The following OXCT1 variants were observed in gnomAD, a reference collection of about 807,000 sequenced individuals.
The protein encoded by OXCT1 is succinyl-CoA:3-ketoacid coenzyme A transferase 1, mitochondrial.
A neutral mutation model predicts 69.6 loss-of-function variants in OXCT1; 27 were observed. The ratio of observed to expected loss-of-function variants is 0.39; its 90% confidence interval spans 0.29 to 0.54. OXCT1 has a LOEUF of 0.54. Among genes scored for constraint, OXCT1 ranks in the 20% least tolerant of loss-of-function variants. The pLI, the probability that OXCT1 is intolerant of heterozygous loss-of-function variation, is 0.72. For missense variants in OXCT1, 437 were observed against 650.2 expected, an observed-to-expected ratio of 0.67 and a Z score of 3.57; for synonymous variants, 202 against 217.8, an observed-to-expected ratio of 0.93 and a Z score of 0.64.
At chr5:41,847,396 T>C (rs1422811577) in intron 5 of OXCT1, among the ~76,000 whole-genome samples, 3 of 151,996 alleles carry the variant, frequency 2.0e-5, no homozygotes, top group Admixed American at 1.3e-4. Flanking sequence ...TTCCAATCAA[T>C]AGAAAAAGAG....
At position 41,764,320 on chromosome 5, in the gene OXCT1, AG is replaced by A. The variant is rs137864140; in HGVS notation, c.1249-2121del. ...AATAAGAATATCTGTCCTACCATAG[AG>A]CTGTGGTGAGCACTGTATGAGATGA... On this transcript the variant is annotated intron_variant, in intron 13 of 16. Transcript: ENST00000196371. 8.7e-4 allele frequency among the ~76,000 whole-genome samples: 133 copies of A among 152,258 alleles called. 1 individual carries two copies. The highest frequency in any genetic ancestry group is 3.2e-3 in the African/African-American group (132 of 41,564).
intron 13 of OXCT1, among the ~76,000 whole-genome samples, chr5:41,775,233 TGC>T (rs1170154392): frequency 2.4e-4 from 37 of 152,284 alleles, no homozygotes; most frequent in Non-Finnish European, 4.4e-4. Context: ...CTTACAAAAC[TGC>T]TCCCCATTTC....
intron 14 of OXCT1, among the ~76,000 whole-genome samples, chr5:41,753,692 C>T (rs976713688): frequency 1.3e-5 from 2 of 152,082 alleles, no homozygotes; most frequent in African/African-American, 4.8e-5. Context: ...CCTCTTGCCA[C>T]CACCTCCATT....
chr5:41,787,634 C>CAAAAAAA (rs765691863), intron 13 of OXCT1, among the ~76,000 whole-genome samples: 2 of 34,704 alleles, frequency 5.8e-5, no homozygotes, highest in Admixed American at 5.1e-4. Context: ...AAGCATTAGG[C>CAAAAAAA]AAAAAAAAAA....
intron 7 of OXCT1, among the ~76,000 whole-genome samples, chr5:41,817,485 T>C (rs973732162): frequency 2.0e-5 from 3 of 152,194 alleles, no homozygotes; most frequent in Non-Finnish European, 4.4e-5. Context: ...CATTATTGTG[T>C]AGTATCTTTC....
At chr5:41,747,918 T>C (rs1743583698) in intron 15 of OXCT1, among the ~76,000 whole-genome samples, 1 of 152,120 alleles carries the variant, frequency 6.6e-6, no homozygotes. Context: ...TGTCTCCATA[T>C]GGCCTTTATC....
chr5:41,798,639 C>A (rs926882889), intron 11 of OXCT1, among the ~76,000 whole-genome samples: 2 of 152,096 alleles, frequency 1.3e-5, no homozygotes, highest in Non-Finnish European at 2.9e-5. Flanking sequence ...CAACTTTAAT[C>A]AAAAGTTAAG....
intron 5 of OXCT1, among the ~76,000 whole-genome samples, chr5:41,847,158 G>A (rs1321821081): frequency 4.0e-5 from 6 of 151,594 alleles, no homozygotes; most frequent in South Asian, 2.1e-4. Context: ...ACACCTCTAC[G>A]CAAATAAACT....
chr5:41,853,823 A>G (rs1749305188), intron 3 of OXCT1: 1 of 524,366 alleles, frequency 1.9e-6, no homozygotes, highest in Non-Finnish European at 3.4e-6. Context: ...GCAGTAAGGG[A>G]CATACAGCCA....
At chr5:41,785,935 T>C (rs1289098886) in intron 13 of OXCT1, among the ~76,000 whole-genome samples, 3 of 152,198 alleles carry the variant, frequency 2.0e-5, no homozygotes, top group African/African-American at 7.2e-5. Flanking sequence ...GAGTGCTGCC[T>C]GACTCTTACC....
chr5:41,787,538 G>A (rs1394922582), intron 13 of OXCT1, among the ~76,000 whole-genome samples: 1 of 143,354 alleles, frequency 7.0e-6, no homozygotes, highest in Non-Finnish European at 1.5e-5. Flanking sequence ...ATTTGCAGAG[G>A]AAGAAGGTCT....
intron 7 of OXCT1, among the ~76,000 whole-genome samples, chr5:41,829,429 T>C (rs1256388580): frequency 3.9e-5 from 6 of 152,076 alleles, no homozygotes; most frequent in Non-Finnish European, 8.8e-5. Context: ...ATATAAACTA[T>C]AAAAAATAGC....
intron 1 of OXCT1, among the ~76,000 whole-genome samples, chr5:41,869,396 T>C (rs1464909704): frequency 6.6e-6 from 1 of 152,208 alleles, no homozygotes; most frequent in Non-Finnish European, 1.5e-5. Context: ...CCTGGCGCTC[T>C]GGTCCTGTAA....
At chr5:41,843,028 G>A (rs890215729) in intron 5 of OXCT1, among the ~76,000 whole-genome samples, 10 of 152,142 alleles carry the variant, frequency 6.6e-5, no homozygotes, top group Non-Finnish European at 1.2e-4. Context: ...GTGCATTTGA[G>A]GAACTGAAAG....
chr5:41,745,200 T>G (rs1359490424), intron 15 of OXCT1, among the ~76,000 whole-genome samples: 1 of 151,806 alleles, frequency 6.6e-6, no homozygotes, highest in African/African-American at 2.4e-5. Flanking sequence ...TAACAAACTG[T>G]CTCTCAGACC....
At chr5:41,826,867 A>T (rs1050526430) in intron 7 of OXCT1, among the ~76,000 whole-genome samples, 2 of 152,134 alleles carry the variant, frequency 1.3e-5, no homozygotes, top group Non-Finnish European at 2.9e-5. Context: ...CGAGCTCTTG[A>T]TTCACTCCAA....
intron 14 of OXCT1, among the ~76,000 whole-genome samples, chr5:41,754,459 C>A (rs1038725286): frequency 2.0e-5 from 3 of 151,960 alleles, no homozygotes; most frequent in African/African-American, 7.3e-5. Flanking sequence ...AAGATGGATA[C>A]CCCATTCTCC....
intron 14 of OXCT1, among the ~76,000 whole-genome samples, chr5:41,761,246 G>A (rs1744332492): frequency 6.6e-6 from 1 of 152,208 alleles, no homozygotes; most frequent in Non-Finnish European, 1.5e-5. Context: ...TCCTTGGTGA[G>A]ACAACTGGGC....
intron 13 of OXCT1, among the ~76,000 whole-genome samples, chr5:41,775,907 G>A (rs1745099921): frequency 6.6e-6 from 1 of 152,090 alleles, no homozygotes. Context: ...CCCTCCAAGA[G>A]GTAGAGCTTA....
Sources: allele counts gnomAD v4.1 joint callset (sites outside exome capture counted in the v4.1 genomes callset), GRCh38; gene constraint gnomAD v4.1.1; transcripts MANE v1.5; gene names NCBI Gene and HGNC (gene_info 2026-07-23, HGNC 2026-07-21).